The following LRP1B variants were observed in gnomAD, a reference collection of about 807,000 sequenced individuals.
The protein encoded by LRP1B is low-density lipoprotein receptor-related protein 1B.
In LRP1B, 217 loss-of-function variants were observed where a neutral mutation model predicts 556.6. That is an observed-to-expected ratio of 0.39 (90% CI 0.35 to 0.44). LRP1B has a LOEUF of 0.44. LRP1B is among the 20% of genes least tolerant of loss of function. LRP1B has a pLI of 1.00. For missense variants in LRP1B, 5,053 were observed against 5,620.8 expected, an observed-to-expected ratio of 0.90 and a Z score of 3.23; for synonymous variants, 2,047 against 1,865.8, an observed-to-expected ratio of 1.10 and a Z score of -2.50.
At chr2:142,084,572 G>A (rs973353972) in intron 1 of LRP1B, among the ~76,000 whole-genome samples, 11 of 152,094 alleles carry the variant, frequency 7.2e-5, no homozygotes, top group South Asian at 2.1e-4. Flanking sequence ...TCTCATTCCT[G>A]AGTCTAACCA....
At chr2:140,596,449 G>A (rs183644593) in intron 43 of LRP1B, among the ~76,000 whole-genome samples, 1 of 152,272 alleles carries the variant, frequency 6.6e-6, no homozygotes, top group East Asian at 1.9e-4. Flanking sequence ...GTAATGTGAT[G>A]TCTGCTGACA....
chr2:141,304,072 A>C (rs1686493976), intron 3 of LRP1B, among the ~76,000 whole-genome samples: 2 of 152,138 alleles, frequency 1.3e-5, no homozygotes, highest in Non-Finnish European at 1.5e-5. Context: ...CTTTTGAGAA[A>C]TATTTACTCA....
intron 1 of LRP1B, among the ~76,000 whole-genome samples, chr2:141,877,953 G>GA (rs1698823834): frequency 6.6e-6 from 1 of 151,714 alleles, no homozygotes; most frequent in African/African-American, 2.4e-5. Context: ...TTTTAACTAA[G>GA]AAAAAATAAG....
At chr2:140,350,089 G>T (rs1681888122) in intron 77 of LRP1B, among the ~76,000 whole-genome samples, 1 of 151,994 alleles carries the variant, frequency 6.6e-6, no homozygotes, top group Non-Finnish European at 1.5e-5. Context: ...ACAGGAATGG[G>T]CCAGGCCCTA....
intron 29 of LRP1B, among the ~76,000 whole-genome samples, chr2:140,847,774 AAAG>A (rs201702011): frequency 0.021 from 1,735 of 82,774 alleles, 19 homozygotes; most frequent in African/African-American, 0.042. Context: ...AAAAAAAAAA[AAAG>A]AAGAAAGAAA....
chr2:141,797,483 GAC>G (rs1695863928), intron 2 of LRP1B, among the ~76,000 whole-genome samples: 1 of 151,782 alleles, frequency 6.6e-6, no homozygotes, highest in Non-Finnish European at 1.5e-5. Context: ...GAGGGTGAGT[GAC>G]ACAATTCAAA....
At chr2:141,631,596 T>G (rs1471360510) in intron 2 of LRP1B, among the ~76,000 whole-genome samples, 1 of 151,518 alleles carries the variant, frequency 6.6e-6, no homozygotes, top group Non-Finnish European at 1.5e-5. Context: ...GGGGCCTGGT[T>G]TACCTGAGCC....
At chr2:141,182,805 T>C (rs971303791) in intron 7 of LRP1B, among the ~76,000 whole-genome samples, 5 of 151,654 alleles carry the variant, frequency 3.3e-5, no homozygotes, top group African/African-American at 1.2e-4. Context: ...AGTTAGGAAA[T>C]CAACTTTTGT....
intron 83 of LRP1B, among the ~76,000 whole-genome samples, chr2:140,301,906 C>A (rs914604933): frequency 6.6e-6 from 1 of 151,708 alleles, no homozygotes; most frequent in African/African-American, 2.4e-5. Flanking sequence ...TATATATACA[C>A]ATATACATAT....
intron 1 of LRP1B, among the ~76,000 whole-genome samples, chr2:141,888,421 A>T (rs1699188117): frequency 6.6e-6 from 1 of 152,186 alleles, no homozygotes; most frequent in South Asian, 2.1e-4. Flanking sequence ...CACAAATACC[A>T]TGCAGCAGTT....
chr2:140,285,222 TAG>T (rs1683093838), intron 84 of LRP1B, among the ~76,000 whole-genome samples: 1 of 150,630 alleles, frequency 6.6e-6, no homozygotes, highest in African/African-American at 2.4e-5. Context: ...GATAGAGATA[TAG>T]ATAGGTATAT....
At chr2:140,705,819 G>T (rs1189634638) in intron 37 of LRP1B, among the ~76,000 whole-genome samples, 2 of 152,086 alleles carry the variant, frequency 1.3e-5, no homozygotes, top group East Asian at 3.9e-4. Flanking sequence ...AAATCTTTCT[G>T]TGTAGGACTC....
chr2:142,122,138 G>A (rs1389901271), intron 1 of LRP1B, among the ~76,000 whole-genome samples: 1 of 152,062 alleles, frequency 6.6e-6, no homozygotes, highest in African/African-American at 2.4e-5. Flanking sequence ...AAACTCTGGT[G>A]GTGTTTTCAT....
intron 79 of LRP1B, among the ~76,000 whole-genome samples, chr2:140,332,704 C>G (rs1680875672): frequency 6.6e-6 from 1 of 151,996 alleles, no homozygotes; most frequent in African/African-American, 2.4e-5. Flanking sequence ...TAGCCTCGAC[C>G]TGAAACACAG....
At chr2:141,177,278 T>G (rs778374753) in intron 7 of LRP1B, among the ~76,000 whole-genome samples, 1 of 152,026 alleles carries the variant, frequency 6.6e-6, no homozygotes, top group African/African-American at 2.4e-5. Flanking sequence ...TAATTTTAGG[T>G]AGAAAAAAAT....
chr2:140,374,445 T>C (rs1358157982), intron 68 of LRP1B, among the ~76,000 whole-genome samples: 1 of 152,088 alleles, frequency 6.6e-6, no homozygotes, highest in Non-Finnish European at 1.5e-5. Context: ...ACAGTTTAAG[T>C]AGAAATGGAA....
rs545188736 is a variant in LRP1B at position 141,159,061 on chromosome 2, A to T, written c.1013+29360T>A. On this transcript the variant is annotated intron_variant, in intron 7 of 90. Transcript: ENST00000389484. ...ATAAAATCAGTGCTTAGTAGTCTTC[A>T]CTAAGTGAAGGAAAGAAAAGGAAAT... Among the ~76,000 whole-genome samples, 13 of 152,334 alleles carry T rather than the reference A, an allele frequency of 8.5e-5. No homozygotes were observed. The South Asian group carries it at 2.5e-3, about 29-fold the overall frequency.
intron 1 of LRP1B, among the ~76,000 whole-genome samples, chr2:142,101,755 T>G (rs1306392775): frequency 6.6e-6 from 1 of 152,012 alleles, no homozygotes; most frequent in Non-Finnish European, 1.5e-5. Context: ...GATCTTAACT[T>G]TATATGGTTT....
At chr2:140,242,079 A>C (rs1680972691) in intron 87 of LRP1B, among the ~76,000 whole-genome samples, 1 of 151,012 alleles carries the variant, frequency 6.6e-6, no homozygotes, top group Non-Finnish European at 1.5e-5. Context: ...TCCATAGGAG[A>C]GCTAGTACAG....
Sources: gnomAD v4.1 joint callset for allele counts (sites outside exome capture counted in the v4.1 genomes callset) on GRCh38, gnomAD v4.1.1 for gene constraint, MANE v1.5 for transcripts, NCBI Gene and HGNC (gene_info 2026-07-23, HGNC 2026-07-21) for gene names.